CRTAC1: variants seen among roughly 807,000 people sequenced by gnomAD.
CRTAC1 encodes acidic secreted protein in cartilage.
Under a neutral mutation model 67.8 loss-of-function variants are expected in CRTAC1, and 37 were observed. The observed-to-expected ratio is 0.55, with a 90% CI of 0.42 to 0.72. CRTAC1 has a LOEUF of 0.72. Among genes scored for constraint, CRTAC1 ranks in the 30% least tolerant of loss-of-function variants. The pLI, the probability that CRTAC1 is intolerant of heterozygous loss-of-function variation, is 0.00. For synonymous variants in CRTAC1, 348 were observed against 371.0 expected, an observed-to-expected ratio of 0.94 and a Z score of 0.71; for missense variants, 780 against 931.6, an observed-to-expected ratio of 0.84 and a Z score of 2.12.
chr10:97,876,686 T>C (rs1482478536), intron 14 of CRTAC1, among the ~76,000 whole-genome samples: 1 of 152,138 alleles, frequency 6.6e-6, no homozygotes, highest in African/African-American at 2.4e-5. Context: ...AACAAAGATG[T>C]CAGGAGCCTA....
At chr10:97,976,613 C>T (rs2051808131) in intron 2 of CRTAC1, among the ~76,000 whole-genome samples, 1 of 152,190 alleles carries the variant, frequency 6.6e-6, no homozygotes, top group Non-Finnish European at 1.5e-5. Flanking sequence ...AATGCTCATC[C>T]CTCAGTTGAA....
intron 3 of CRTAC1, among the ~76,000 whole-genome samples, chr10:97,931,831 C>A (rs1474754839): frequency 3.3e-5 from 5 of 152,038 alleles, no homozygotes; most frequent in African/African-American, 9.7e-5. Context: ...TAGTGTGTGA[C>A]CCCCCCCAGG....
intron 14 of CRTAC1, 78 bp downstream of exon 14, chr10:97,880,171 G>A: frequency 6.6e-7 from 1 of 1,525,340 alleles, no homozygotes; most frequent in East Asian, 2.3e-5. Context: ...TGGGGACCTT[G>A]ATCTGGGGCC....
chr10:97,997,798 G>A (rs1211495014), intron 2 of CRTAC1, among the ~76,000 whole-genome samples: 3 of 152,170 alleles, frequency 2.0e-5, no homozygotes, highest in African/African-American at 7.2e-5. Context: ...TGCAATTGAA[G>A]AAATAATTAG....
At chr10:98,011,058 T>C (rs1469382128) in intron 2 of CRTAC1, 80 bp downstream of exon 2, 5 of 1,211,144 alleles carry the variant, frequency 4.1e-6, no homozygotes, top group East Asian at 4.7e-5. Flanking sequence ...TGCAAGTCAC[T>C]GGGGTTTGGA....
chr10:97,896,307 G>T (rs867275181), intron 9 of CRTAC1, among the ~76,000 whole-genome samples: 38 of 151,598 alleles, frequency 2.5e-4, no homozygotes, highest in Admixed American at 4.6e-4. Context: ...ATTTGCACAG[G>T]TTTTTTTTTG....
intron 2 of CRTAC1, among the ~76,000 whole-genome samples, chr10:97,970,062 C>T (rs1287025530): frequency 6.6e-6 from 1 of 152,188 alleles, no homozygotes; most frequent in Non-Finnish European, 1.5e-5. Flanking sequence ...CCTACTCCTG[C>T]TGTCTTTCCT....
intron 5 of CRTAC1, among the ~76,000 whole-genome samples, chr10:97,915,144 T>C (rs564744243): frequency 6.6e-6 from 1 of 152,176 alleles, no homozygotes; most frequent in Non-Finnish European, 1.5e-5. Flanking sequence ...CTGCCTCAAG[T>C]CCGGGTGCCA....
intron 2 of CRTAC1, among the ~76,000 whole-genome samples, chr10:97,950,246 CAG>C (rs71007371): frequency 0.044 from 4,941 of 113,084 alleles, 93 homozygotes; most frequent in East Asian, 0.082. Context: ...CACACACACA[CAG>C]AGAGAGAGAG....
chr10:97,910,090 C>A (rs992689102), intron 5 of CRTAC1, among the ~76,000 whole-genome samples: 2 of 152,172 alleles, frequency 1.3e-5, no homozygotes, highest in Non-Finnish European at 2.9e-5. Flanking sequence ...AAGGATACAA[C>A]ACTTCAGTTT....
intron 3 of CRTAC1, among the ~76,000 whole-genome samples, chr10:97,935,494 T>C (rs1288942111): frequency 1.3e-5 from 2 of 152,134 alleles, no homozygotes; most frequent in Non-Finnish European, 2.9e-5. Context: ...TGCAGGGTCT[T>C]GGCCCCACCC....
Position 97,896,942 on chromosome 10 carries a change from C to T in CRTAC1, c.1183G>A (p.Gly395Ser), listed in dbSNP as rs1359415185. 28 of 1,560,772 alleles carry T rather than the reference C, an allele frequency of 1.8e-5. No homozygotes were observed. The highest frequency in any genetic ancestry group is 6.8e-5 in the African/African-American group (5 of 73,728). The change falls in exon 9 of 15, where the codon GGC (glycine) becomes AGC (serine). Residue 395 changes from glycine to serine, a missense_variant. Gly to Ser is a moderately conservative substitution (Grantham distance 56). Transcript: ENST00000370597. Reference sequence around the variant, plus strand: ...CGGCCCTCAGGCTCCAAGGCGTCGCCGGGATTGAGCTCCTCGATGAGGGGG... The same window carrying T: ...CGGCCCTCAGGCTCCAAGGCGTCGCTGGGATTGAGCTCCTCGATGAGGGGG... ...GDPLIEELNPGDALEPEGRGT... is the reference protein window; with the variant it reads ...GDPLIEELNPSDALEPEGRGT...
At chr10:97,932,748 G>A (rs1564900513) in intron 3 of CRTAC1, among the ~76,000 whole-genome samples, 1 of 152,194 alleles carries the variant, frequency 6.6e-6, no homozygotes, top group Non-Finnish European at 1.5e-5. Flanking sequence ...GAGGGGTGCT[G>A]TAAGCGATGG....
intron 11 of CRTAC1, among the ~76,000 whole-genome samples, chr10:97,884,835 A>G (rs1285084092): frequency 1.3e-5 from 2 of 152,226 alleles, no homozygotes; most frequent in African/African-American, 2.4e-5. Context: ...TCTGGCATTC[A>G]AATCATGGCT....
rs191693817 is a variant in CRTAC1 at position 97,885,813 on chromosome 10, G to A, written c.1487-1462C>T. ...ACGGGGTCCTGCAGGGGGACCTGAA[G>A]TCAATACACTCCCCCAAACACCATT... On this transcript the variant is annotated intron_variant, in intron 11 of 14. Transcript: ENST00000370597. 2.1e-4 allele frequency among the ~76,000 whole-genome samples: 32 copies of A among 152,298 alleles called. No homozygotes were observed. In the East Asian group the frequency reaches 5.4e-3, roughly 26 times the overall value.
intron 2 of CRTAC1, among the ~76,000 whole-genome samples, chr10:97,970,475 TG>T (rs2051689990): frequency 6.6e-6 from 1 of 152,220 alleles, no homozygotes; most frequent in African/African-American, 2.4e-5. Context: ...CTGCTGTGGC[TG>T]CACTCAGTTC....
At chr10:97,907,876 G>C in intron 6 of CRTAC1, 137 bp downstream of exon 6, 2 of 866,156 alleles carry the variant, frequency 2.3e-6, no homozygotes. Context: ...GCGTTTCTCT[G>C]TGTGGTGCAG....
intron 2 of CRTAC1, among the ~76,000 whole-genome samples, chr10:97,981,432 T>A (rs545384537): frequency 1.3e-5 from 2 of 152,256 alleles, no homozygotes; most frequent in African/African-American, 4.8e-5. Flanking sequence ...TATGATATCA[T>A]AAATATTTCT....
chr10:97,914,751 C>T (rs543087768), intron 5 of CRTAC1, among the ~76,000 whole-genome samples: 2 of 152,168 alleles, frequency 1.3e-5, no homozygotes, highest in Admixed American at 6.5e-5. Flanking sequence ...TCCCAGGATT[C>T]CCAGGCAGGG....
Sources: allele counts gnomAD v4.1 joint callset (sites outside exome capture counted in the v4.1 genomes callset), GRCh38; gene constraint gnomAD v4.1.1; transcripts MANE v1.5; gene names NCBI Gene and HGNC (gene_info 2026-07-23, HGNC 2026-07-21).